Variants in MGMT observed in about 807,000 individuals in gnomAD.
MGMT encodes O-6-methylguanine-DNA methyltransferase, also known as methylated-DNA--protein-cysteine methyltransferase.
MGMT carries 14 observed loss-of-function variants against 15.9 expected under a neutral mutation model. That is an observed-to-expected ratio of 0.88 (90% CI 0.58 to 1.37). The LOEUF (loss-of-function observed/expected upper bound fraction) is 1.37. Among genes scored for constraint, MGMT ranks in the 40% most tolerant of loss-of-function variants. The probability of loss-of-function intolerance (pLI) is 0.00; values close to 1 mark genes in which losing one functional copy is unlikely to be tolerated. For missense variants in MGMT, 282 were observed against 268.1 expected, an observed-to-expected ratio of 1.05 and a Z score of -0.36; for synonymous variants, 130 against 118.2, an observed-to-expected ratio of 1.10 and a Z score of -0.65.
intron 1 of MGMT, among the ~76,000 whole-genome samples, chr10:129,511,828 C>T (rs1845687203): frequency 6.6e-6 from 1 of 152,190 alleles, no homozygotes; most frequent in Non-Finnish European, 1.5e-5. Context: ...GGCAGCATCA[C>T]CTGGGCCTAC....
intron 2 of MGMT, among the ~76,000 whole-genome samples, chr10:129,546,294 A>C (rs1846097804): frequency 6.6e-6 from 1 of 152,186 alleles, no homozygotes; most frequent in Non-Finnish European, 1.5e-5. Context: ...TGAATTCCTC[A>C]AGACAGCGGC....
chr10:129,682,628 T>C (rs1199982846), intron 2 of MGMT, among the ~76,000 whole-genome samples: 3 of 152,066 alleles, frequency 2.0e-5, no homozygotes, highest in Non-Finnish European at 4.4e-5. Flanking sequence ...AAAATAAAAA[T>C]ACATAAGAAT....
chr10:129,505,843 T>C lies in MGMT; in HGVS notation c.-12-30398T>C, dbSNP rs191880201. ...TATACTGGGCATCATATTTGAGAGA[T>C]TGCTCATTATTCATGAGAGCAGTGT... On this transcript the variant is annotated intron_variant, in intron 1 of 4. Transcript: ENST00000651593. Among the ~76,000 whole-genome samples the C allele has an allele frequency of 3.9e-4, 60 of 152,290 alleles. 1 individual carries two copies. In the East Asian group the frequency reaches 9.1e-3, roughly 23 times the overall value.
chr10:129,512,211 A>C (rs2119700573), intron 1 of MGMT, among the ~76,000 whole-genome samples: 1 of 152,254 alleles, frequency 6.6e-6, no homozygotes, highest in Non-Finnish European at 1.5e-5. Flanking sequence ...TCATTCCCTC[A>C]GCGATCAGTT....
intron 3 of MGMT, among the ~76,000 whole-genome samples, chr10:129,737,410 C>T (rs1848576348): frequency 6.6e-6 from 1 of 152,098 alleles, no homozygotes; most frequent in Admixed American, 6.5e-5. Context: ...TCCATCAGCT[C>T]CTTTAAGCAC....
At chr10:129,666,780 A>G (rs1847663718) in intron 2 of MGMT, among the ~76,000 whole-genome samples, 1 of 152,200 alleles carries the variant, frequency 6.6e-6, no homozygotes, top group Non-Finnish European at 1.5e-5. Context: ...TGCTGAGAGT[A>G]GTGATACTGT....
chr10:129,742,635 A>C (rs562176927), intron 3 of MGMT, among the ~76,000 whole-genome samples: 2 of 138,124 alleles, frequency 1.4e-5, no homozygotes, highest in Non-Finnish European at 3.1e-5. Flanking sequence ...GAGCCAGGTC[A>C]TCAGGGCCGG....
intron 3 of MGMT, among the ~76,000 whole-genome samples, chr10:129,744,329 A>G (rs1848669345): frequency 6.6e-6 from 1 of 152,222 alleles, no homozygotes; most frequent in Non-Finnish European, 1.5e-5. Context: ...CAAGCTGGCT[A>G]TGAGCTCCAT....
At chr10:129,527,138 G>A (rs1440125185) in intron 1 of MGMT, among the ~76,000 whole-genome samples, 1 of 152,244 alleles carries the variant, frequency 6.6e-6, no homozygotes, top group Non-Finnish European at 1.5e-5. Flanking sequence ...AATCGCCTGG[G>A]CGTCCTAAAT....
At chr10:129,530,946 C>T (rs541863802) in intron 1 of MGMT, among the ~76,000 whole-genome samples, 2 of 152,366 alleles carry the variant, frequency 1.3e-5, no homozygotes, top group South Asian at 2.1e-4. Context: ...AGTGTGGCCC[C>T]AGCCCTGCGG....
At chr10:129,680,935 C>A (rs11016873) in intron 2 of MGMT, among the ~76,000 whole-genome samples, 1 of 152,330 alleles carries the variant, frequency 6.6e-6, no homozygotes, top group Non-Finnish European at 1.5e-5. Flanking sequence ...ATCAGTAAAG[C>A]GTCGCCACCA....
chr10:129,661,781 T>A (rs1847601226), intron 2 of MGMT, among the ~76,000 whole-genome samples: 1 of 152,240 alleles, frequency 6.6e-6, no homozygotes, highest in South Asian at 2.1e-4. Flanking sequence ...CTGTAAGATT[T>A]CGAAAAAGGA....
intron 1 of MGMT, among the ~76,000 whole-genome samples, chr10:129,474,617 C>T (rs944113872): frequency 3.9e-5 from 6 of 152,320 alleles, no homozygotes; most frequent in East Asian, 1.9e-4. Context: ...AGGATGGCAG[C>T]GGTGGACCCA....
chr10:129,513,860 C>T (rs898012598), intron 1 of MGMT, among the ~76,000 whole-genome samples: 1 of 152,168 alleles, frequency 6.6e-6, no homozygotes, highest in Non-Finnish European at 1.5e-5. Flanking sequence ...TGCAGTAAGT[C>T]CTGTGGGTAG....
intron 2 of MGMT, chr10:129,564,146 A>G (rs1487362868): frequency 8.5e-6 from 1 of 117,582 alleles, no homozygotes; most frequent in Non-Finnish European, 1.8e-5. Context: ...CCTCCCCTCA[A>G]GCTTCCTACC....
At chr10:129,746,157 T>C (rs1362449192) in intron 3 of MGMT, among the ~76,000 whole-genome samples, 2 of 150,152 alleles carry the variant, frequency 1.3e-5, no homozygotes, top group African/African-American at 4.9e-5. Context: ...GAGAATGGCG[T>C]GAACCCGGGA....
chr10:129,489,388 T>C (rs1845445046), intron 1 of MGMT, among the ~76,000 whole-genome samples: 1 of 137,520 alleles, frequency 7.3e-6, no homozygotes, highest in South Asian at 2.3e-4. Flanking sequence ...AAAAAAAAAT[T>C]GGTGAGTAAA....
At chr10:129,698,237 T>C (rs1320135052) in intron 2 of MGMT, among the ~76,000 whole-genome samples, 1 of 152,154 alleles carries the variant, frequency 6.6e-6, no homozygotes, top group African/African-American at 2.4e-5. Flanking sequence ...GTTGCTACTC[T>C]GGGCTGTGTG....
At chr10:129,661,415 G>A (rs1320662737) in intron 2 of MGMT, among the ~76,000 whole-genome samples, 2 of 152,022 alleles carry the variant, frequency 1.3e-5, no homozygotes, top group East Asian at 3.9e-4. Flanking sequence ...ATAAAGACGC[G>A]TCCATTTCTC....
Sources: gnomAD v4.1 joint callset for allele counts (sites outside exome capture counted in the v4.1 genomes callset) on GRCh38, gnomAD v4.1.1 for gene constraint, MANE v1.5 for transcripts, NCBI Gene and HGNC (gene_info 2026-07-23, HGNC 2026-07-21) for gene names.